The following KCNAB2 variants were observed in gnomAD, a reference collection of about 807,000 sequenced individuals.
KCNAB2 encodes the protein potassium voltage-gated channel subfamily A regulatory beta subunit 2.
Under a neutral mutation model 63.6 loss-of-function variants are expected in KCNAB2, and 29 were observed. That is an observed-to-expected ratio of 0.46 (90% CI 0.34 to 0.62). KCNAB2 has a LOEUF of 0.62. Ranked by LOEUF, KCNAB2 falls within the 20% of genes least tolerant of loss-of-function variation. The pLI, the probability that KCNAB2 is intolerant of heterozygous loss-of-function variation, is 0.01. For synonymous variants in KCNAB2, 222 were observed against 224.2 expected (o/e 0.99, Z 0.09); for missense variants, 359 against 563.9 (o/e 0.64, Z 3.68).
chr1:6,036,858 G>A (rs1003296990), intron 1 of KCNAB2, among the ~76,000 whole-genome samples: 7 of 152,164 alleles, frequency 4.6e-5, no homozygotes, highest in South Asian at 2.1e-4. Flanking sequence ...AGAGGATGCC[G>A]TAGAGCAGGT....
At chr1:6,040,982 T>C (rs1660453768), upstream of KCNAB2, among the ~76,000 whole-genome samples, 1 of 152,254 alleles carries the variant, frequency 6.6e-6, no homozygotes, top group Non-Finnish European at 1.5e-5. Flanking sequence ...CCCGGCATCC[T>C]GTTCCTCCCA....
chr1:6,083,651 T>A (rs1664406103), intron 5 of KCNAB2, among the ~76,000 whole-genome samples: 1 of 152,190 alleles, frequency 6.6e-6, no homozygotes. Context: ...GAGCCCCCGG[T>A]GGACGCCCAT....
At chr1:6,022,521 G>A (rs1658907751) in intron 1 of KCNAB2, among the ~76,000 whole-genome samples, 1 of 152,068 alleles carries the variant, frequency 6.6e-6, no homozygotes, top group Non-Finnish European at 1.5e-5. Flanking sequence ...CAGTGGTATT[G>A]AGTGTACAGT....
intron 1 of KCNAB2, among the ~76,000 whole-genome samples, chr1:6,015,429 C>T (rs890008882): frequency 6.6e-6 from 1 of 152,220 alleles, no homozygotes; most frequent in Admixed American, 6.5e-5. Flanking sequence ...TATTGGAACA[C>T]AGCCACGCCC....
At position 6,096,825 on chromosome 1, in the gene KCNAB2, G is replaced by C. The variant is rs1303898833; in HGVS notation, c.1069+69G>C. On this transcript the variant is annotated intron_variant, in intron 14 of 15. Coordinates refer to ENST00000378083, the MANE Select transcript of KCNAB2 (RefSeq NM_001199862.2). This position sits in a 1 kb window ranked among gnomAD's most constrained non-coding sequence, Gnocchi z 5.9. ...CTGCCCCAGCTGGCCGTAGGTAACA[G>C]GGTGGGGTTGCCATGGGGCCAGTGT... 2 of 1,468,378 alleles carry C rather than the reference G, an allele frequency of 1.4e-6. No individual in the cohort carries two copies. Among genetic ancestry groups the C allele is most frequent in the East Asian group, 5.0e-5 (2 of 40,002 alleles). The allele number at this position is 1,468,378 out of a possible 1,614,324, so 91.0% of individuals were successfully genotyped here.
chr1:6,064,056 G>A (rs1180160682), intron 2 of KCNAB2, among the ~76,000 whole-genome samples: 1 of 152,206 alleles, frequency 6.6e-6, no homozygotes, highest in African/African-American at 2.4e-5. Context: ...TGTGGGATCC[G>A]ATGTTGCCAG....
chr1:6,094,085 T>C (rs887455745), intron 10 of KCNAB2, among the ~76,000 whole-genome samples: 13 of 152,212 alleles, frequency 8.5e-5, no homozygotes, highest in African/African-American at 3.1e-4. Flanking sequence ...CCACATTCTT[T>C]GATTGTCCCC....
Position 6,024,472 on chromosome 1 carries a change from A to G in KCNAB2, c.-52-16045A>G, listed in dbSNP as rs1659022953. 6.6e-6 allele frequency among the ~76,000 whole-genome samples: 1 copy of G among 152,252 alleles called. No individual in the cohort carries two copies. Among genetic ancestry groups the G allele is most frequent in the Admixed American group, 6.5e-5 (1 of 15,288 alleles). ...TCCTGGTCCAAAGAAACTTTTTAAAAAAAGAGTTGGCAAATATCTGAAAAT... is the reference window on the plus strand; with the variant it reads ...TCCTGGTCCAAAGAAACTTTTTAAAGAAAGAGTTGGCAAATATCTGAAAAT... On this transcript the variant is annotated intron_variant, in intron 1 of 16. Transcript: ENST00000341524. The surrounding 1 kb of genome is among the most constrained non-coding windows in gnomAD (Gnocchi z 5.4).
At chr1:6,060,001 C>T (rs975593807) in intron 2 of KCNAB2, among the ~76,000 whole-genome samples, 1 of 152,212 alleles carries the variant, frequency 6.6e-6, no homozygotes, top group African/African-American at 2.4e-5. Context: ...GTCCTGTCAT[C>T]GGTCCTGTGG....
chr1:6,081,133 C>T (rs1287957769), intron 4 of KCNAB2, among the ~76,000 whole-genome samples: 1 of 152,204 alleles, frequency 6.6e-6, no homozygotes, highest in Non-Finnish European at 1.5e-5. Context: ...GGAGCACAAT[C>T]GCGTCCTGAC....
upstream of KCNAB2, among the ~76,000 whole-genome samples, chr1:6,032,781 TC>T: frequency 6.6e-6 from 1 of 152,042 alleles, no homozygotes; most frequent in Admixed American, 6.5e-5. Flanking sequence ...GGAAAAGACC[TC>T]CCCAAAAAGG....
In KCNAB2 at chr1:6,098,522, T is replaced by C; in HGVS notation, c.1196T>C (p.Ile399Thr). Residue 399 changes from isoleucine to threonine, a missense_variant, in exon 16 of 16, where the codon ATT (isoleucine) becomes ACT (threonine). Around this residue, in one of 2 missense-constraint regions of KCNAB2, gnomAD observed 271 missense variants for 476.1 expected, o/e 0.57. Transcript: ENST00000378083. Reference protein sequence around the residue: ...PKLSSSIIHEIDSILGNKPYS... With the variant: ...PKLSSSIIHETDSILGNKPYS... The stretch of plus-strand genomic sequence containing the variant: ...CTGTCATCTTCCATTATCCACGAGA[T>C]TGATAGTATTTTGGGCAATAAACCC... 6.2e-7 allele frequency: 1 copy of C among 1,613,928 alleles called. No homozygotes were observed. The highest frequency in any genetic ancestry group is 1.1e-5 in the South Asian group (1 of 91,068).
intron 5 of KCNAB2, among the ~76,000 whole-genome samples, chr1:6,084,620 A>G (rs566390588): frequency 2.0e-5 from 3 of 152,168 alleles, no homozygotes; most frequent in Admixed American, 1.3e-4. Context: ...GTTCGAGACC[A>G]GCCTGGCCAA....
At position 6,073,384 on chromosome 1, in the gene KCNAB2, G is replaced by C. The variant is rs1663393281; in HGVS notation, c.263-349G>C. On this transcript the variant is annotated intron_variant, in intron 3 of 15. Coordinates refer to ENST00000378083, the MANE Select transcript of KCNAB2 (RefSeq NM_001199862.2). The surrounding 1 kb of genome is among the most constrained non-coding windows in gnomAD (Gnocchi z 5.7). ...GCACGCAGACGCGGCTGTCAGACCT[G>C]GTGTGTTTTCAGAGAGGCATCCCTT... Among the ~76,000 whole-genome samples, 1 of 152,132 alleles carries C rather than the reference G, an allele frequency of 6.6e-6. No homozygotes were observed. Among genetic ancestry groups the C allele is most frequent in the South Asian group, 2.1e-4 (1 of 4,824 alleles).
At chr1:6,057,736 G>A (rs985461157) in intron 2 of KCNAB2, among the ~76,000 whole-genome samples, 1 of 152,142 alleles carries the variant, frequency 6.6e-6, no homozygotes, top group Non-Finnish European at 1.5e-5. Flanking sequence ...GTTTCTGGTG[G>A]TGCCGGCAGG....
chr1:6,046,107 G>A lies in KCNAB2; in HGVS notation c.-103G>A. ...CCCTAATGAAAAAGCCGCTGTGCCA[G>A]ATCCTTAGAGTGTCTGGTGATCCCT... On this transcript the variant is annotated 5_prime_UTR_variant, in exon 1 of 16. Transcript: ENST00000378083. The A allele has an allele frequency of 1.0e-6, 1 of 985,428 alleles. No individual in the cohort carries two copies. The highest frequency in any genetic ancestry group is 1.2e-6 in the Non-Finnish European group (1 of 829,920). The allele number at this position is 985,428 out of a possible 1,614,324, so 61.0% of individuals were successfully genotyped here.
rs560734393 is a variant in KCNAB2, at chr1:6,072,839, C to T, written c.262+41C>T. ...CCCTCCGTCCCACCAGGGAAACAGG[C>T]TGTGGGGAGGCCGGGCATGGACTGA... On this transcript the variant is annotated intron_variant, in intron 3 of 15. Transcript: ENST00000378083. The T allele has an allele frequency of 6.2e-6, 10 of 1,601,648 alleles. No homozygotes were observed. The East Asian group carries it at 1.8e-4, about 29-fold the overall frequency.
intron 7 of KCNAB2, among the ~76,000 whole-genome samples, chr1:6,088,700 A>T (rs1175215452): frequency 1.2e-5 from 1 of 83,904 alleles, no homozygotes; most frequent in Non-Finnish European, 2.4e-5. Flanking sequence ...TTCTTAATTT[A>T]AAAAATAATA....
intron 1 of KCNAB2, among the ~76,000 whole-genome samples, chr1:6,019,422 C>T (rs1353680786): frequency 6.6e-6 from 1 of 152,232 alleles, no homozygotes; most frequent in African/African-American, 2.4e-5. Flanking sequence ...GAAGCCGTCA[C>T]ACTGCACTCT....
Sources: allele counts gnomAD v4.1 joint callset (sites outside exome capture counted in the v4.1 genomes callset), GRCh38; gene constraint gnomAD v4.1.1; regional missense constraint gnomAD v4.1.1; non-coding constraint Gnocchi (gnomAD v3.1); transcripts MANE v1.5; gene names NCBI Gene and HGNC (gene_info 2026-07-23, HGNC 2026-07-21).